The following NRXN3 variants were observed in gnomAD, a reference collection of about 807,000 sequenced individuals.
NRXN3 encodes neurexin 3.
In NRXN3, 32 loss-of-function variants were observed where a neutral mutation model predicts 137.6. The observed-to-expected ratio is 0.23, with a 90% CI of 0.18 to 0.31. The LOEUF (loss-of-function observed/expected upper bound fraction) is 0.31, where lower values mean the gene tolerates loss of function less well. NRXN3 is among the 10% of genes least tolerant of loss of function. The pLI is 1.00. For synonymous variants in NRXN3, 798 were observed against 784.5 expected (o/e 1.02, Z -0.29); for missense variants, 1,574 against 2,062.5 (o/e 0.76, Z 4.59).
intron 19 of NRXN3, among the ~76,000 whole-genome samples, chr14:79,761,566 G>A (rs539537849): frequency 1.4e-4 from 21 of 150,768 alleles, no homozygotes; most frequent in Non-Finnish European, 2.6e-4. Context: ...GGTGGCAGGC[G>A]CCTGTAGTCT....
chr14:78,864,237 A>G (rs1008067168), intron 10 of NRXN3, among the ~76,000 whole-genome samples: 3 of 152,166 alleles, frequency 2.0e-5, no homozygotes, highest in Admixed American at 1.3e-4. Context: ...CCTGAATTGA[A>G]AAGTTCAACA....
intron 8 of NRXN3, among the ~76,000 whole-genome samples, chr14:78,754,304 A>T (rs1567221374): frequency 2.0e-5 from 3 of 152,144 alleles, no homozygotes; most frequent in Non-Finnish European, 2.9e-5. Context: ...GCTCTGTACC[A>T]GTTGGCCTCC....
chr14:79,164,761 T>G (rs984856908), intron 15 of NRXN3, among the ~76,000 whole-genome samples: 1 of 151,934 alleles, frequency 6.6e-6, no homozygotes, highest in Non-Finnish European at 1.5e-5. Flanking sequence ...CTCAGAAAAA[T>G]GCATAGTAAT....
At chr14:79,713,519 A>G (rs1419842741) in intron 19 of NRXN3, among the ~76,000 whole-genome samples, 3 of 143,194 alleles carry the variant, frequency 2.1e-5, no homozygotes, top group African/African-American at 7.6e-5. Flanking sequence ...GCCTTGGGTT[A>G]GAGAGGGAAT....
intron 15 of NRXN3, among the ~76,000 whole-genome samples, chr14:79,351,027 A>G: frequency 6.6e-6 from 1 of 152,202 alleles, no homozygotes; most frequent in East Asian, 1.9e-4. Flanking sequence ...AGAGACACAT[A>G]GCAGTATATG....
At chr14:78,438,074 A>T (rs1302509654) in intron 4 of NRXN3, among the ~76,000 whole-genome samples, 1 of 152,052 alleles carries the variant, frequency 6.6e-6, no homozygotes, top group East Asian at 1.9e-4. Context: ...GGAGGGAGGG[A>T]CAGATTCTTT....
intron 15 of NRXN3, among the ~76,000 whole-genome samples, chr14:79,188,322 G>A (rs931912711): frequency 5.3e-5 from 8 of 151,762 alleles, no homozygotes; most frequent in African/African-American, 1.5e-4. Flanking sequence ...CTCTAAATTC[G>A]AGATATGTGG....
chr14:79,478,383 G>A (rs982710203), intron 16 of NRXN3, among the ~76,000 whole-genome samples: 1 of 151,868 alleles, frequency 6.6e-6, no homozygotes, highest in African/African-American at 2.4e-5. Flanking sequence ...TACCTGTTAG[G>A]CCTCTTTCAT....
At position 78,487,744 on chromosome 14, in the gene NRXN3, TAAA is replaced by T. The variant is rs2095587998; in HGVS notation, c.758-157375_758-157373del. Reference sequence around the variant, plus strand: ...GCCACAAGAGTGAAACTCCATCTCATAAATAAATAAATAAATAAATAAATAAAT... The same window carrying T: ...GCCACAAGAGTGAAACTCCATCTCATTAAATAAATAAATAAATAAATAAAT... On this transcript the variant is annotated intron_variant, in intron 4 of 20. Transcript: ENST00000335750. Among the ~76,000 whole-genome samples, 8 of 1,432 alleles carry T rather than the reference TAAA, an allele frequency of 5.6e-3. 1 individual carries two copies. The South Asian group carries it at 0.16, about 29-fold the overall frequency. The allele number at this position is 1,432 out of a possible 152,430, so 0.9% of individuals were successfully genotyped here.
intron 19 of NRXN3, among the ~76,000 whole-genome samples, chr14:79,763,615 G>A (rs1444749679): frequency 6.6e-6 from 1 of 150,676 alleles, no homozygotes; most frequent in Non-Finnish European, 1.5e-5. Context: ...AGGCTGGGGA[G>A]TCTGAGATCA....
intron 15 of NRXN3, among the ~76,000 whole-genome samples, chr14:79,204,285 T>G (rs2066480959): frequency 6.6e-6 from 1 of 151,770 alleles, no homozygotes; most frequent in African/African-American, 2.4e-5. Flanking sequence ...AAGTGCCAGT[T>G]ATTCTTTCCA....
chr14:78,579,066 CTG>C (rs1001659819), intron 4 of NRXN3, among the ~76,000 whole-genome samples: 23 of 152,126 alleles, frequency 1.5e-4, no homozygotes, highest in Non-Finnish European at 2.5e-4. Flanking sequence ...TTTAGGTATT[CTG>C]TGCCTGGCTG....
At chr14:78,471,194 A>G (rs2095259359) in intron 4 of NRXN3, among the ~76,000 whole-genome samples, 1 of 152,094 alleles carries the variant, frequency 6.6e-6, no homozygotes, top group African/African-American at 2.4e-5. Flanking sequence ...TTATTGAAAG[A>G]GCTCATGTTA....
intron 8 of NRXN3, among the ~76,000 whole-genome samples, chr14:78,746,382 A>G (rs1009139749): frequency 1.9e-4 from 29 of 152,226 alleles, no homozygotes; most frequent in Non-Finnish European, 1.0e-4. Context: ...TCACAAAAGC[A>G]TACTCTTTCC....
chr14:78,976,626 A>G (rs1239575327), intron 14 of NRXN3, among the ~76,000 whole-genome samples: 1 of 152,232 alleles, frequency 6.6e-6, no homozygotes, highest in Non-Finnish European at 1.5e-5. Context: ...TATAAAATAT[A>G]GTACTTGACC....
chr14:78,654,813 T>A (rs1471172080), intron 6 of NRXN3, among the ~76,000 whole-genome samples: 1 of 152,220 alleles, frequency 6.6e-6, no homozygotes, highest in African/African-American at 2.4e-5. Flanking sequence ...TCAGTCAATA[T>A]TTGCTGAGTG....
intron 4 of NRXN3, among the ~76,000 whole-genome samples, chr14:78,469,252 G>A (rs888261634): frequency 1.3e-5 from 2 of 151,956 alleles, no homozygotes; most frequent in Admixed American, 6.5e-5. Context: ...TGTTCTTCTT[G>A]TGCCCATACG....
chr14:79,638,261 G>C (rs1022082651), intron 16 of NRXN3, among the ~76,000 whole-genome samples: 1 of 152,044 alleles, frequency 6.6e-6, no homozygotes, highest in African/African-American at 2.4e-5. Context: ...CTTTGTTGTT[G>C]TTTTCCTTGA....
At chr14:79,192,347 T>C (rs1023764709) in intron 15 of NRXN3, among the ~76,000 whole-genome samples, 1 of 152,192 alleles carries the variant, frequency 6.6e-6, no homozygotes, top group Non-Finnish European at 1.5e-5. Context: ...ATAGGGTAAA[T>C]ATTCAACCTA....
Sources: allele counts gnomAD v4.1 joint callset (sites outside exome capture counted in the v4.1 genomes callset), GRCh38; gene constraint gnomAD v4.1.1; transcripts MANE v1.5; gene names NCBI Gene and HGNC (gene_info 2026-07-23, HGNC 2026-07-21).